The following ZNF844 variants were observed in gnomAD, a reference collection of about 807,000 sequenced individuals.
ZNF844 encodes the protein zinc finger protein 844.
A neutral mutation model predicts 11.4 loss-of-function variants in ZNF844; 11 were observed. That is an observed-to-expected ratio of 0.97 (90% confidence interval 0.61 to 1.60). ZNF844 has a LOEUF of 1.60. Ranked by LOEUF, ZNF844 falls within the 40% of genes most tolerant of loss-of-function variation. The pLI, the probability that ZNF844 is intolerant of heterozygous loss-of-function variation, is 0.00. For synonymous variants in ZNF844, 248 were observed against 260.3 expected (o/e 0.95, Z 0.46); for missense variants, 790 against 796.8 (o/e 0.99, Z 0.10).
chr19:12,065,241 CGCTGT>C (rs1264866564), intron 1 of ZNF844, among the ~76,000 whole-genome samples: 1 of 152,064 alleles, frequency 6.6e-6, no homozygotes, highest in African/African-American at 2.4e-5. Context: ...GGAGGAGCTG[CGCTGT>C]GAGGCCCTCA....
chr19:12,076,692 A>G lies in ZNF844; in HGVS notation c.1572A>G (p.Gly524=). The change falls in exon 4 of 4, where the codon GGA becomes GGG. Residue 524 remains glycine, a synonymous_variant. Coordinates refer to ENST00000439326, the MANE Select transcript of ZNF844 (RefSeq NM_001136501.3). ...CTCACACCTTCAAATGCATGAAAGG[A>G]CTCACACTGGAAAGCAACTGTATGA... ...HLPHTFKCMK[G]LTLESNCMNL... 1 of 1,613,996 alleles carries G rather than the reference A, an allele frequency of 6.2e-7. No individual in the cohort carries two copies. Among genetic ancestry groups the G allele is most frequent in the East Asian group, 2.2e-5 (1 of 44,856 alleles).
chr19:12,077,767 TACAG>T lies in ZNF844; in HGVS notation c.*650_*653del. 3 of 364,672 alleles carry T rather than the reference TACAG, an allele frequency of 8.2e-6. No homozygotes were observed. The highest frequency in any genetic ancestry group is 7.4e-5 in the Admixed American group (2 of 26,924). The allele number at this position is 364,672 out of a possible 1,614,324, so 22.6% of individuals were successfully genotyped here. On this transcript the variant is annotated 3_prime_UTR_variant, in exon 4 of 4. Transcript: ENST00000439326. ...TTCAGATTTGCTAAGAACCTTCAAA[TACAG>T]ACAATGAATGTAAACAATTAAATGT... is the stretch of plus-strand genomic sequence containing the variant.
intron 1 of ZNF844, among the ~76,000 whole-genome samples, chr19:12,070,711 T>C (rs1475379651): frequency 6.6e-6 from 1 of 152,204 alleles, no homozygotes; most frequent in Admixed American, 6.5e-5. Context: ...TCAAGGAAGG[T>C]TTTATTCAGC....
At chr19:12,071,882 T>C (rs893824817) in intron 1 of ZNF844, among the ~76,000 whole-genome samples, 5 of 145,114 alleles carry the variant, frequency 3.4e-5, no homozygotes, top group Non-Finnish European at 5.9e-5. Flanking sequence ...GAATTTTTTT[T>C]CTTTTTTTTT....
At chr19:12,065,991 C>T (rs1975683281) in intron 1 of ZNF844, among the ~76,000 whole-genome samples, 1 of 151,992 alleles carries the variant, frequency 6.6e-6, no homozygotes, top group Non-Finnish European at 1.5e-5. Context: ...GTGCATGGCG[C>T]GATCACGGCT....
rs962948061 is a variant in ZNF844 at position 12,078,832 on chromosome 19, C to T, written c.*1711C>T. ...GAAACCCACATGGTATTGCACATGA[C>T]AGATAGGCCTCTCTCCCCGTTCATT... is the stretch of plus-strand genomic sequence containing the variant. On this transcript the variant is annotated 3_prime_UTR_variant, in exon 4 of 4. Coordinates refer to ENST00000439326, the MANE Select transcript of ZNF844 (RefSeq NM_001136501.3). The T allele has an allele frequency of 1.3e-5, 2 of 152,258 alleles. No individual in the cohort carries two copies. Among genetic ancestry groups the T allele is most frequent in the African/African-American group, 4.8e-5 (2 of 41,416 alleles). 9.4% of individuals were successfully genotyped at this position (152,258 alleles called of 1,614,324 possible). A position where few individuals can be genotyped will look rare whatever the true frequency, so the allele number is the denominator to read the frequency against.
chr19:12,081,210 C>T lies in ZNF844; in HGVS notation c.*4089C>T, dbSNP rs1334229223. The T allele has an allele frequency of 5.3e-5, 8 of 151,280 alleles. No individual in the cohort carries two copies. Among genetic ancestry groups the T allele is most frequent in the Admixed American group, 5.3e-4 (8 of 15,220 alleles). 9.4% of individuals were successfully genotyped at this position (151,280 alleles called of 1,614,324 possible). A position where few individuals can be genotyped will look rare whatever the true frequency, so the allele number is the denominator to read the frequency against. ...CACCTTTGTTCCTGCTGTTACTGAC[C>T]CTTATCTTGTAGCCTCACAGCTACT... On this transcript the variant is annotated 3_prime_UTR_variant, in exon 4 of 4. Transcript: ENST00000439326.
Position 12,077,490 on chromosome 19 carries a change from T to G in ZNF844, c.*369T>G, listed in dbSNP as rs1160638304. The G allele has an allele frequency of 1.6e-6, 1 of 607,600 alleles. No individual in the cohort carries two copies. The highest frequency in any genetic ancestry group is 3.1e-6 in the Non-Finnish European group (1 of 318,208). The allele number at this position is 607,600 out of a possible 1,614,324, so 37.6% of individuals were successfully genotyped here. Reference sequence around the variant, plus strand: ...TGAATGTAAGCAGTGTGGGAAAGCCTTCATTTCTTCCGGTAGCCTTCGATA... The same window carrying G: ...TGAATGTAAGCAGTGTGGGAAAGCCGTCATTTCTTCCGGTAGCCTTCGATA... On this transcript the variant is annotated 3_prime_UTR_variant, in exon 4 of 4. Coordinates refer to ENST00000439326, the MANE Select transcript of ZNF844 (RefSeq NM_001136501.3).
chr19:12,069,178 C>CG (rs760998604), intron 1 of ZNF844, among the ~76,000 whole-genome samples: 12,718 of 137,076 alleles, frequency 0.093, 1,111 homozygotes, highest in African/African-American at 0.22. Flanking sequence ...TTCTTTTATT[C>CG]CTTTTTTTTT....
intron 1 of ZNF844, among the ~76,000 whole-genome samples, chr19:12,067,429 A>G (rs1290964921): frequency 6.8e-6 from 1 of 147,966 alleles, no homozygotes; most frequent in Admixed American, 6.8e-5. Flanking sequence ...AACATGGTGA[A>G]ACCCCGTCTC....
At chr19:12,072,676 C>T (rs1012415916) in intron 1 of ZNF844, among the ~76,000 whole-genome samples, 7 of 152,048 alleles carry the variant, frequency 4.6e-5, no homozygotes, top group African/African-American at 1.7e-4. Context: ...CTCCGCCTCC[C>T]AGCTTCAAGC....
At chr19:12,069,520 G>T (rs1020003252) in intron 1 of ZNF844, among the ~76,000 whole-genome samples, 5 of 151,274 alleles carry the variant, frequency 3.3e-5, no homozygotes, top group African/African-American at 1.2e-4. Context: ...ATTGAAATAA[G>T]GAAAAGGGAG....
Position 12,075,327 on chromosome 19 carries a change from G to A in ZNF844, c.207G>A (p.Glu69=). Residue 69 remains glutamate, a synonymous_variant, in exon 4 of 4, where the codon GAG becomes GAA. Coordinates refer to ENST00000439326, the MANE Select transcript of ZNF844 (RefSeq NM_001136501.3). ...PRNNLRSLLG[E]RVDENTEENH... ...TTTTTCACAGAAGTCTTCTGGGAGA[G>A]AGAGTTGATGAAAATACAGAAGAAA... is the stretch of plus-strand genomic sequence containing the variant. 4 of 1,454,510 alleles carry A rather than the reference G, an allele frequency of 2.8e-6. No individual in the cohort carries two copies. Among genetic ancestry groups the A allele is most frequent in the Non-Finnish European group, 3.6e-6 (4 of 1,101,354 alleles). 90.1% of individuals were successfully genotyped at this position (1,454,510 alleles called of 1,614,324 possible).
intron 1 of ZNF844, among the ~76,000 whole-genome samples, chr19:12,065,470 T>A (rs933771517): frequency 2.0e-5 from 3 of 152,036 alleles, no homozygotes; most frequent in Admixed American, 6.6e-5. Flanking sequence ...CCTGAGGGGT[T>A]CTTCCTGCCT....
intron 1 of ZNF844, among the ~76,000 whole-genome samples, chr19:12,071,702 T>TG (rs1199293659): frequency 1.3e-5 from 2 of 151,778 alleles, no homozygotes; most frequent in Non-Finnish European, 2.9e-5. Flanking sequence ...TTAGGTTTTT[T>TG]TTTTTTTTTT....
In ZNF844 at chr19:12,078,032, T is replaced by A. The variant is rs1975851728; in HGVS notation, c.*911T>A. On this transcript the variant is annotated 3_prime_UTR_variant, in exon 4 of 4. Transcript: ENST00000439326. Reference sequence around the variant, plus strand: ...TTTTAGTAGAGACGGAGTTTCATCGTGTTAGCCAGGATGGTCTCAATCTCC... The same window carrying A: ...TTTTAGTAGAGACGGAGTTTCATCGAGTTAGCCAGGATGGTCTCAATCTCC... 1 of 169,624 alleles carries A rather than the reference T, an allele frequency of 5.9e-6. No individual in the cohort carries two copies. The highest frequency in any genetic ancestry group is 2.4e-5 in the African/African-American group (1 of 41,536). The allele number at this position is 169,624 out of a possible 1,614,324, so 10.5% of individuals were successfully genotyped here. A position where few individuals can be genotyped will look rare whatever the true frequency, so the allele number is the denominator to read the frequency against.
intron 3 of ZNF844, 51 bp downstream of exon 3, chr19:12,074,472 T>G: frequency 8.1e-7 from 1 of 1,229,378 alleles, no homozygotes. Flanking sequence ...AATCTCAGAA[T>G]GCGAGAATAT....
rs780746707 is a variant in ZNF844 at position 12,076,920 on chromosome 19, C to T, written c.1800C>T (p.Ser600=). Reference sequence around the variant, plus strand: ...CAAAGCATTCATATCTGCCAAGATCCTTCGAGTACATGCAAGAACACACCC... The same window carrying T: ...CAAAGCATTCATATCTGCCAAGATCTTTCGAGTACATGCAAGAACACACCC... The part of the protein sequence containing the change: ...SVTKHSYLPR[S]FEYMQEHTLE... Residue 600 remains serine, a synonymous_variant, in exon 4 of 4, where the codon TCC becomes TCT. Transcript: ENST00000439326. The T allele has an allele frequency of 6.3e-7, 1 of 1,593,748 alleles. No individual in the cohort carries two copies. The highest frequency in any genetic ancestry group is 1.1e-5 in the South Asian group (1 of 88,306).
At chr19:12,069,179 CT>C (rs748342323) in intron 1 of ZNF844, among the ~76,000 whole-genome samples, 1,523 of 120,730 alleles carry the variant, frequency 0.013, 12 homozygotes, top group African/African-American at 0.045. Context: ...TCTTTTATTC[CT>C]TTTTTTTTTT....
Sources: gnomAD v4.1 joint callset for allele counts (sites outside exome capture counted in the v4.1 genomes callset) on GRCh38, gnomAD v4.1.1 for gene constraint, MANE v1.5 for transcripts, NCBI Gene and HGNC (gene_info 2026-07-23, HGNC 2026-07-21) for gene names.